Variants in LRRC28 observed in about 807,000 individuals in gnomAD.
LRRC28 encodes leucine rich repeat containing 28.
LRRC28 carries 39 observed loss-of-function variants against 45.7 expected under a neutral mutation model. That is an observed-to-expected ratio of 0.85 (90% CI 0.66 to 1.12). The LOEUF (loss-of-function observed/expected upper bound fraction) is 1.12. Ranked by LOEUF, LRRC28 falls within the 50% of genes most tolerant of loss-of-function variation. The pLI is 0.00. For missense variants in LRRC28, 435 were observed against 438.5 expected (o/e 0.99, Z 0.07); for synonymous variants, 206 against 178.8 (o/e 1.15, Z -1.22).
At chr15:99,364,574 C>T (rs1957291984) in intron 9 of LRRC28, among the ~76,000 whole-genome samples, 1 of 152,148 alleles carries the variant, frequency 6.6e-6, no homozygotes, top group Non-Finnish European at 1.5e-5. Context: ...TGTATTACTA[C>T]ATGAATAAAA....
chr15:99,283,324 A>G (rs1444939728), intron 3 of LRRC28, among the ~76,000 whole-genome samples: 2 of 150,676 alleles, frequency 1.3e-5, no homozygotes, highest in African/African-American at 4.9e-5. Context: ...TTAGAATTCC[A>G]TGGTACAGGC....
chr15:99,375,070 A>C (rs1263996712), intron 9 of LRRC28, among the ~76,000 whole-genome samples: 1 of 152,152 alleles, frequency 6.6e-6, no homozygotes, highest in African/African-American at 2.4e-5. Flanking sequence ...ATATAATTTT[A>C]ATCTGTTAAG....
intron 3 of LRRC28, 109 bp downstream of exon 3, chr15:99,276,725 T>C: frequency 5.8e-6 from 5 of 855,582 alleles, no homozygotes; most frequent in Non-Finnish European, 8.4e-6. Context: ...TTTTTTGGTA[T>C]CATGATCATG....
At chr15:99,288,321 A>G (rs9920193) in intron 5 of LRRC28, among the ~76,000 whole-genome samples, 2,950 of 150,928 alleles carry the variant, frequency 0.02, 90 homozygotes, top group African/African-American at 0.068. Context: ...AGTCAAATGC[A>G]TACAATGTTT....
chr15:99,259,007 G>T (rs2081111920), intron 2 of LRRC28: 1 of 785,124 alleles, frequency 1.3e-6, no homozygotes, highest in South Asian at 1.3e-5. Context: ...GAAGAAACTT[G>T]TTCATAAAAC....
At chr15:99,381,107 G>T (rs183994149) in intron 9 of LRRC28, among the ~76,000 whole-genome samples, 536 of 152,250 alleles carry the variant, frequency 3.5e-3, no homozygotes, top group African/African-American at 0.012. Context: ...ATTTCTCCTG[G>T]ATAATATCCT....
In LRRC28 at chr15:99,385,734, G is replaced by T. The variant is rs1429102712; in HGVS notation, c.1032-296G>T. ...AAAGCAGAGTTCGAAACGTAATGTG[G>T]AAAAGGCATTTGTTTTTTTTTTTTT... On this transcript the variant is annotated intron_variant, in intron 9 of 9. Transcript: ENST00000301981. Among the ~76,000 whole-genome samples the T allele has an allele frequency of 2.0e-5, 3 of 150,722 alleles. No homozygotes were observed. In the East Asian group the frequency reaches 5.9e-4, roughly 29 times the overall value.
intron 9 of LRRC28, among the ~76,000 whole-genome samples, chr15:99,376,290 C>T (rs1957629775): frequency 6.6e-6 from 1 of 151,906 alleles, no homozygotes; most frequent in African/African-American, 2.4e-5. Context: ...GAAGATTTTC[C>T]TCTTGTCTTT....
At chr15:99,283,845 C>T (rs2081881766) in intron 3 of LRRC28, among the ~76,000 whole-genome samples, 1 of 152,080 alleles carries the variant, frequency 6.6e-6, no homozygotes, top group African/African-American at 2.4e-5. Context: ...ATTGAAACAT[C>T]AACATTTCAA....
At chr15:99,269,075 G>GTTT (rs574928357) in intron 2 of LRRC28, among the ~76,000 whole-genome samples, 5 of 151,786 alleles carry the variant, frequency 3.3e-5, no homozygotes, top group South Asian at 2.1e-4. Context: ...TGGATGTATA[G>GTTT]TTTTTTTTAT....
At chr15:99,358,458 AATG>A (rs1957107408) in intron 7 of LRRC28, among the ~76,000 whole-genome samples, 1 of 152,080 alleles carries the variant, frequency 6.6e-6, no homozygotes, top group Non-Finnish European at 1.5e-5. Flanking sequence ...GTTCAAATTG[AATG>A]ATAACTGAGA....
chr15:99,320,779 G>C (rs1955768632), intron 5 of LRRC28: 2 of 152,150 alleles, frequency 1.3e-5, no homozygotes, highest in African/African-American at 4.8e-5. Context: ...GGATCTGGTT[G>C]TACCTTCTCA....
chr15:99,367,231 T>C (rs567235942), intron 9 of LRRC28, among the ~76,000 whole-genome samples: 1 of 152,228 alleles, frequency 6.6e-6, no homozygotes, highest in East Asian at 1.9e-4. Flanking sequence ...TTTGTTAGAG[T>C]GGCTCACAGA....
intron 1 of LRRC28, chr15:99,252,096 CA>C (rs2080827455): frequency 1.3e-5 from 2 of 152,042 alleles, no homozygotes; most frequent in South Asian, 4.1e-4. Flanking sequence ...GATTGGTGTT[CA>C]CCTGTCAGAA....
At chr15:99,280,789 A>T (rs34139963) in intron 3 of LRRC28, among the ~76,000 whole-genome samples, 14,556 of 151,912 alleles carry the variant, frequency 0.096, 990 homozygotes, top group East Asian at 0.32. Context: ...GTTTTTTCAG[A>T]TATTTATTTA....
intron 2 of LRRC28, chr15:99,259,395 A>C: frequency 6.4e-7 from 1 of 1,554,974 alleles, no homozygotes; most frequent in Non-Finnish European, 8.9e-7. Flanking sequence ...GTTGCCAAGG[A>C]AGGAGTGAAG....
chr15:99,313,531 C>T (rs1025659480), intron 5 of LRRC28, among the ~76,000 whole-genome samples: 28 of 152,206 alleles, frequency 1.8e-4, no homozygotes, highest in African/African-American at 6.5e-4. Context: ...CAGGATAGAT[C>T]ATATATGCTA....
chr15:99,336,595 C>G (rs1019814506), intron 6 of LRRC28, among the ~76,000 whole-genome samples: 1 of 152,184 alleles, frequency 6.6e-6, no homozygotes, highest in African/African-American at 2.4e-5. Context: ...ATTCACTTAG[C>G]AAGATTACCT....
chr15:99,387,123 G>A lies in LRRC28; in HGVS notation c.*1021G>A, dbSNP rs12441176. Reference sequence around the variant, plus strand: ...TCGCCCAGGCTGGAGTGCAGTGGCGGGATCTCGGCTCACTGCAAGCTCCGC... The same window carrying A: ...TCGCCCAGGCTGGAGTGCAGTGGCGAGATCTCGGCTCACTGCAAGCTCCGC... On this transcript the variant is annotated 3_prime_UTR_variant, in exon 10 of 10. Transcript: ENST00000301981. The A allele has an allele frequency of 6.8e-6, 1 of 148,084 alleles. No individual in the cohort carries two copies. The highest frequency in any genetic ancestry group is 1.5e-5 in the Non-Finnish European group (1 of 66,672). The allele number at this position is 148,084 out of a possible 1,614,324, so 9.2% of individuals were successfully genotyped here.
Sources: allele counts gnomAD v4.1 joint callset (sites outside exome capture counted in the v4.1 genomes callset), GRCh38; gene constraint gnomAD v4.1.1; transcripts MANE v1.5; gene names NCBI Gene and HGNC (gene_info 2026-07-23, HGNC 2026-07-21).